SMCHD1: variants seen among roughly 807,000 people sequenced by gnomAD.
SMCHD1 encodes the protein structural maintenance of chromosomes flexible hinge domain containing 1.
In SMCHD1, 78 loss-of-function variants were observed where a neutral mutation model predicts 254.7. The ratio of observed to expected loss-of-function variants is 0.31; its 90% CI spans 0.26 to 0.37. The LOEUF is 0.37. Ranked by LOEUF, SMCHD1 falls within the 10% of genes least tolerant of loss-of-function variation. The pLI, the probability that SMCHD1 is intolerant of heterozygous loss-of-function variation, is 1.00. For synonymous variants in SMCHD1, 766 were observed against 794.9 expected (o/e 0.96, Z 0.61); for missense variants, 1,840 against 2,408.1 (o/e 0.76, Z 4.94).
chr18:2,696,883 G>GT, intron 8 of SMCHD1, 149 bp from the exon 9 acceptor site: 1 of 423,580 alleles, frequency 2.4e-6, no homozygotes, highest in Admixed American at 4.4e-5. Context: ...CATCTCAATT[G>GT]TTTTTACCAT....
rs180990035 is a variant in SMCHD1, at chr18:2,735,145, C to T, written c.3276+2653C>T. Reference sequence around the variant, plus strand: ...CAGGGTTGAACCAACCCTGAATATACGCAAATAAAGTGTGATTCACCACAT... The same window carrying T: ...CAGGGTTGAACCAACCCTGAATATATGCAAATAAAGTGTGATTCACCACAT... On this transcript the variant is annotated intron_variant, in intron 25 of 47. Transcript: ENST00000320876. 8.6e-5 allele frequency among the ~76,000 whole-genome samples: 13 copies of T among 151,658 alleles called. No homozygotes were observed. In the East Asian group the frequency reaches 1.2e-3, roughly 14 times the overall value.
Position 2,673,372 on chromosome 18 carries a change from A to T in SMCHD1, c.507+9A>T. 1 of 1,477,222 alleles carries T rather than the reference A, an allele frequency of 6.8e-7. No homozygotes were observed. Among genetic ancestry groups the T allele is most frequent in the Non-Finnish European group, 9.1e-7 (1 of 1,095,270 alleles). The allele number at this position is 1,477,222 out of a possible 1,614,324, so 91.5% of individuals were successfully genotyped here. A position where few individuals can be genotyped will look rare whatever the true frequency, so the allele number is the denominator to read the frequency against. On this transcript the variant is annotated intron_variant, in intron 4 of 47. Coordinates refer to ENST00000320876, the MANE Select transcript of SMCHD1 (RefSeq NM_015295.3). ...GAATACAGATCAAATTGGTAAGGAA[A>T]TAATACTGTAAAGCAATTTAACTTT...
Position 2,803,316 on chromosome 18 carries a change from A to C in SMCHD1, c.*764A>C, listed in dbSNP as rs2076396505. ...AATATGTAGTCTCAGCCTTAATTTT[A>C]CATTTACATTATTTTGTAATTTTTT... On this transcript the variant is annotated 3_prime_UTR_variant, in exon 48 of 48. Transcript: ENST00000320876. 1 of 150,918 alleles carries C rather than the reference A, an allele frequency of 6.6e-6. No homozygotes were observed. Among genetic ancestry groups the C allele is most frequent in the South Asian group, 2.1e-4 (1 of 4,818 alleles). The allele number at this position is 150,918 out of a possible 1,614,324, so 9.3% of individuals were successfully genotyped here.
Position 2,760,724 on chromosome 18 carries a change from T to C in SMCHD1, c.4419T>C (p.Ile1473=), listed in dbSNP as rs762636013. The change falls in exon 35 of 48, where the codon ATT becomes ATC. Residue 1473 remains isoleucine (I), a synonymous_variant. Transcript: ENST00000320876. ...GTTTTATGATGGATAAAACAAATAT[T>C]CTCAACAGTGAACAGGTTTGCTTAC... The part of the protein sequence containing the change: ...QFGFMMDKTN[I]LNSEQVIVEV... 3 of 1,600,632 alleles carry C rather than the reference T, an allele frequency of 1.9e-6. No individual in the cohort carries two copies. The African/African-American group carries it at 4.0e-5, about 21-fold the overall frequency.
intron 41 of SMCHD1, among the ~76,000 whole-genome samples, chr18:2,774,047 A>G (rs1376361766): frequency 6.6e-6 from 1 of 152,210 alleles, no homozygotes; most frequent in Non-Finnish European, 1.5e-5. Flanking sequence ...TAACTTAGAT[A>G]TTTTACACAT....
intron 5 of SMCHD1, among the ~76,000 whole-genome samples, chr18:2,677,691 A>G (rs540330384): frequency 1.3e-5 from 2 of 152,268 alleles, no homozygotes; most frequent in South Asian, 2.1e-4. Flanking sequence ...TAGTGGTGCT[A>G]TCTTGGCTCA....
At chr18:2,664,732 G>A (rs939786635) in intron 1 of SMCHD1, among the ~76,000 whole-genome samples, 1 of 152,166 alleles carries the variant, frequency 6.6e-6, no homozygotes, top group Non-Finnish European at 1.5e-5. Context: ...GGATTCACGT[G>A]ATTTCAGCAG....
At chr18:2,764,001 G>C (rs903264115) in intron 37 of SMCHD1, 5 of 445,396 alleles carry the variant, frequency 1.1e-5, no homozygotes, top group Non-Finnish European at 1.6e-5. Flanking sequence ...TGGGATAACA[G>C]CTTTCTCTGA....
intron 7 of SMCHD1, among the ~76,000 whole-genome samples, chr18:2,689,797 C>T (rs2074133022): frequency 7.1e-6 from 1 of 141,060 alleles, no homozygotes; most frequent in Admixed American, 7.7e-5. Context: ...GGGAGGATTG[C>T]TTGAACTCAG....
intron 25 of SMCHD1, among the ~76,000 whole-genome samples, chr18:2,738,060 G>A (rs2075282501): frequency 6.6e-6 from 1 of 151,896 alleles, no homozygotes; most frequent in Admixed American, 6.6e-5. Context: ...AAAAATAATT[G>A]AATATTGCTT....
rs1224477797 is a variant in SMCHD1, at chr18:2,708,899, T to TAA, written c.2260+980_2260+981insAA. On this transcript the variant is annotated intron_variant, in intron 17 of 47. Coordinates refer to ENST00000320876, the MANE Select transcript of SMCHD1 (RefSeq NM_015295.3). ...ATATATATATATATATATATATATA[T>TAA]ATATATATAACATATTAACATGAAA... Among the ~76,000 whole-genome samples the TAA allele has an allele frequency of 1.3e-4, 9 of 70,620 alleles. 1 individual carries two copies. Among genetic ancestry groups the TAA allele is most frequent in the African/African-American group, 6.1e-4 (9 of 14,678 alleles). 46.3% of individuals were successfully genotyped at this position (70,620 alleles called of 152,430 possible). A position where few individuals can be genotyped will look rare whatever the true frequency, so the allele number is the denominator to read the frequency against.
At chr18:2,758,123 T>TA (rs1454033268) in intron 34 of SMCHD1, among the ~76,000 whole-genome samples, 2 of 152,174 alleles carry the variant, frequency 1.3e-5, no homozygotes, top group Non-Finnish European at 2.9e-5. Context: ...TTTTTCCTGA[T>TA]AATCTTTGTC....
At chr18:2,678,195 C>G (rs2073801157) in intron 5 of SMCHD1, among the ~76,000 whole-genome samples, 1 of 151,690 alleles carries the variant, frequency 6.6e-6, no homozygotes, top group African/African-American at 2.4e-5. Context: ...TGCATTTATA[C>G]TGTCTTTTCT....
intron 44 of SMCHD1, among the ~76,000 whole-genome samples, chr18:2,782,961 A>G (rs2076181221): frequency 6.6e-6 from 1 of 152,160 alleles, no homozygotes; most frequent in Admixed American, 6.5e-5. Flanking sequence ...TACTGGCTTT[A>G]CCAAAGAATT....
In SMCHD1 at chr18:2,771,604, C is replaced by G. The variant is rs769986044; in HGVS notation, c.5038C>G (p.Pro1680Ala). The G allele has an allele frequency of 1.9e-6, 3 of 1,563,596 alleles. No individual in the cohort carries two copies. The highest frequency in any genetic ancestry group is 2.2e-5 in the Admixed American group (1 of 45,180). Residue 1680 changes from proline (P) to alanine (A), a missense_variant, in exon 40 of 48, where the codon CCT becomes GCT. Transcript: ENST00000320876. ...NELKIHNIDI[P>A]TTQQVPHIEA... is the part of the protein sequence containing the mutation. ...ACTAAAAATACATAATATTGACATT[C>G]CTACAACACAACAGGTACAGCTTCC...
At chr18:2,684,349 AT>A (rs1231417687) in intron 5 of SMCHD1, among the ~76,000 whole-genome samples, 1 of 152,120 alleles carries the variant, frequency 6.6e-6, no homozygotes, top group East Asian at 1.9e-4. Context: ...CTGTTTACCC[AT>A]TTATTTGTTT....
chr18:2,770,241 T>G, intron 39 of SMCHD1, 133 bp downstream of exon 39: 2 of 832,232 alleles, frequency 2.4e-6, no homozygotes, highest in Non-Finnish European at 1.8e-6. Flanking sequence ...AAGGTGGTAA[T>G]GATGGTTGAT....
At chr18:2,720,719 T>C (rs2074907504) in intron 19 of SMCHD1, among the ~76,000 whole-genome samples, 1 of 152,212 alleles carries the variant, frequency 6.6e-6, no homozygotes, top group South Asian at 2.1e-4. Flanking sequence ...TATATAATTT[T>C]CCACGTGATT....
In SMCHD1 at chr18:2,700,862, C is replaced by A; in HGVS notation, c.1591C>A (p.Leu531Ile). 1 of 1,612,208 alleles carries A rather than the reference C, an allele frequency of 6.2e-7. No individual in the cohort carries two copies. Among genetic ancestry groups the A allele is most frequent in the Admixed American group, 1.7e-5 (1 of 59,722 alleles). The change falls in exon 12 of 48, where the codon CTT (leucine) becomes ATT (isoleucine). Residue 531 changes from leucine (L) to isoleucine (I), a missense_variant. Leu to Ile is a conservative substitution (Grantham distance 5, BLOSUM62 2). This residue lies in a region of SMCHD1 where 498 missense variants were observed against 743.5 expected (regional missense o/e 0.67). Coordinates refer to ENST00000320876, the MANE Select transcript of SMCHD1 (RefSeq NM_015295.3). Reference sequence around the variant, plus strand: ...CACAAATAAATTGACGTTTATGGATCTTGAGCTAAAATTGAAAGATAAGAA... The same window carrying A: ...CACAAATAAATTGACGTTTATGGATATTGAGCTAAAATTGAAAGATAAGAA... ...VSTNKLTFMD[L>I]ELKLKDKNTL...
Sources: allele counts gnomAD v4.1 joint callset (sites outside exome capture counted in the v4.1 genomes callset), GRCh38; gene constraint gnomAD v4.1.1; regional missense constraint gnomAD v4.1.1; transcripts MANE v1.5; gene names NCBI Gene and HGNC (gene_info 2026-07-23, HGNC 2026-07-21).